The following PTK2 variants were observed in gnomAD, a reference collection of about 807,000 sequenced individuals.
The protein encoded by PTK2 is focal adhesion kinase 1.
PTK2 carries 45 observed loss-of-function variants against 150.1 expected under a neutral mutation model. The ratio of observed to expected loss-of-function variants is 0.30; its 90% CI spans 0.24 to 0.38. The LOEUF (loss-of-function observed/expected upper bound fraction) is 0.38, where lower values mean the gene tolerates loss of function less well. PTK2 is among the 10% of genes least tolerant of loss of function. The probability of loss-of-function intolerance (pLI) is 1.00; values close to 1 mark genes in which losing one functional copy is unlikely to be tolerated. For synonymous variants in PTK2, 432 were observed against 449.2 expected (o/e 0.96, Z 0.48); for missense variants, 919 against 1,307.3 (o/e 0.70, Z 4.58).
At chr8:140,982,178 G>A (rs1304151694) in intron 1 of PTK2, among the ~76,000 whole-genome samples, 1 of 151,988 alleles carries the variant, frequency 6.6e-6, no homozygotes, top group East Asian at 1.9e-4. Flanking sequence ...TTCAAGTACA[G>A]TTTTAAGAAA....
At chr8:140,953,385 C>G (rs2100180146) in intron 1 of PTK2, among the ~76,000 whole-genome samples, 1 of 152,132 alleles carries the variant, frequency 6.6e-6, no homozygotes, top group South Asian at 2.1e-4. Context: ...GTTTGGGGGC[C>G]ATGATGAAAT....
At chr8:140,914,768 G>A (rs1468011304) in intron 2 of PTK2, among the ~76,000 whole-genome samples, 1 of 152,058 alleles carries the variant, frequency 6.6e-6, no homozygotes, top group Non-Finnish European at 1.5e-5. Context: ...AGGAGTGGTG[G>A]CTCACATCTA....
intron 19 of PTK2, 83 bp from the exon 23 acceptor site, chr8:140,743,413 G>A: frequency 9.7e-7 from 1 of 1,034,304 alleles, no homozygotes; most frequent in Admixed American, 2.0e-5. Flanking sequence ...ATACCAATAG[G>A]CACTTTGAAA....
intron 21 of PTK2, among the ~76,000 whole-genome samples, chr8:140,738,329 G>C (rs2100053755): frequency 6.6e-6 from 1 of 152,274 alleles, no homozygotes; most frequent in Non-Finnish European, 1.5e-5. Context: ...ATGGAGAGTA[G>C]AGTGGAGGGA....
chr8:140,806,363 A>G (rs1376289261), intron 10 of PTK2, among the ~76,000 whole-genome samples: 4 of 152,188 alleles, frequency 2.6e-5, no homozygotes, highest in African/African-American at 9.7e-5. Context: ...ATGCACCTGT[A>G]TCAGTTTGCA....
At chr8:140,799,064 A>T (rs1185117043) in intron 12 of PTK2, among the ~76,000 whole-genome samples, 1 of 152,210 alleles carries the variant, frequency 6.6e-6, no homozygotes, top group Non-Finnish European at 1.5e-5. Context: ...TAGAAAAGCC[A>T]TGTCCTGGAA....
intron 22 of PTK2, among the ~76,000 whole-genome samples, chr8:140,725,475 G>T (rs1005858660): frequency 6.6e-6 from 1 of 152,208 alleles, no homozygotes; most frequent in African/African-American, 2.4e-5. Flanking sequence ...GGAAGAGAAC[G>T]GCACTGGGTG....
At chr8:140,738,015 A>AG (rs1257892544) in intron 21 of PTK2, among the ~76,000 whole-genome samples, 1 of 152,256 alleles carries the variant, frequency 6.6e-6, no homozygotes, top group Admixed American at 6.5e-5. Flanking sequence ...AGTAAACAGA[A>AG]GAAAAAAATA....
At chr8:140,715,901 T>C (rs990357305) in intron 23 of PTK2, among the ~76,000 whole-genome samples, 5 of 152,116 alleles carry the variant, frequency 3.3e-5, no homozygotes, top group African/African-American at 9.7e-5. Context: ...TTTGGAAAAT[T>C]AGTCATATTA....
chr8:140,998,918 G>C (rs2100198900), intron 1 of PTK2, among the ~76,000 whole-genome samples: 1 of 152,124 alleles, frequency 6.6e-6, no homozygotes, highest in South Asian at 2.1e-4. Flanking sequence ...TGAGGACTGA[G>C]GGAGTAAGTT....
rs61261890 is a variant in PTK2, at chr8:140,902,924, GTTTT to G, written c.-32-12159_-32-12156del. Among the ~76,000 whole-genome samples, 232 of 58,924 alleles carry G rather than the reference GTTTT, an allele frequency of 3.9e-3. 6 individuals carry two copies. In the East Asian group the frequency reaches 0.04, roughly 10 times the overall value. The allele number at this position is 58,924 out of a possible 152,430, so 38.7% of individuals were successfully genotyped here. On this transcript the variant is annotated intron_variant, in intron 2 of 31. Coordinates refer to ENST00000522684, the Ensembl canonical transcript of PTK2. The stretch of plus-strand genomic sequence containing the variant: ...TTGCCTGTTCACTCTGATGAGAGTT[GTTTT>G]TTTTTTTTTTTTTTTTTTTTTTTTT...
At chr8:140,997,742 C>A (rs1208337622) in intron 1 of PTK2, among the ~76,000 whole-genome samples, 1 of 151,988 alleles carries the variant, frequency 6.6e-6, no homozygotes, top group Non-Finnish European at 1.5e-5. Flanking sequence ...AGTTCACGAC[C>A]AACTTGTGCA....
intron 12 of PTK2, 88 bp from the exon 13 acceptor site, chr8:140,793,472 C>T: frequency 3.6e-6 from 5 of 1,393,772 alleles, no homozygotes; most frequent in South Asian, 2.6e-5. Context: ...AGGATGAGGC[C>T]TATACTGGTA....
chr8:140,736,344 G>A (rs1217549821), intron 21 of PTK2, among the ~76,000 whole-genome samples: 1 of 152,096 alleles, frequency 6.6e-6, no homozygotes, highest in Non-Finnish European at 1.5e-5. Context: ...ACATGAAGAT[G>A]GGAACAACAG....
intron 8 of PTK2, among the ~76,000 whole-genome samples, chr8:140,822,743 C>T (rs752078211): frequency 6.6e-6 from 1 of 152,192 alleles, no homozygotes; most frequent in Non-Finnish European, 1.5e-5. Context: ...GGAGCATGCA[C>T]TGCCTTGTTA....
rs184666133 is a variant in PTK2 at position 140,744,554 on chromosome 8, C to T, written c.1634+98G>A. Reference sequence around the variant, plus strand: ...GTACAAAACTGTACCAAAGGGGACCCTGGATCCAAAAGGGTCCAAAGACGG... The same window carrying T: ...GTACAAAACTGTACCAAAGGGGACCTTGGATCCAAAAGGGTCCAAAGACGG... On this transcript the variant is annotated intron_variant, in intron 19 of 31. Coordinates refer to ENST00000522684, the Ensembl canonical transcript of PTK2. 5.2e-4 allele frequency: 322 copies of T among 624,510 alleles called. No individual in the cohort carries two copies. In the African/African-American group the frequency reaches 5.3e-3, roughly 10 times the overall value. 38.7% of individuals were successfully genotyped at this position (624,510 alleles called of 1,614,324 possible).
intron 16 of PTK2, among the ~76,000 whole-genome samples, 194 bp from the exon 20 acceptor site, chr8:140,752,510 G>A (rs1002418167): frequency 6.6e-6 from 1 of 152,208 alleles, no homozygotes; most frequent in Non-Finnish European, 1.5e-5. Flanking sequence ...GGTCATGCAC[G>A]TGAAACATTA....
chr8:140,966,128 C>T (rs1350967178), intron 1 of PTK2, among the ~76,000 whole-genome samples: 1 of 152,192 alleles, frequency 6.6e-6, no homozygotes, highest in Non-Finnish European at 1.5e-5. Flanking sequence ...GCTTTCTTCT[C>T]TTCATTAAAT....
intron 1 of PTK2, among the ~76,000 whole-genome samples, chr8:140,928,325 G>A (rs537992075): frequency 1.3e-5 from 2 of 152,276 alleles, no homozygotes; most frequent in South Asian, 2.1e-4. Context: ...GCAAGGATAT[G>A]AAGAAATCGA....
Sources: allele counts gnomAD v4.1 joint callset (sites outside exome capture counted in the v4.1 genomes callset), GRCh38; gene constraint gnomAD v4.1.1; transcripts MANE v1.5; gene names NCBI Gene and HGNC (gene_info 2026-07-23, HGNC 2026-07-21).